The following ADH7 variants were observed in gnomAD, a reference collection of about 807,000 sequenced individuals.
ADH7 encodes alcohol dehydrogenase 7 (class IV), mu or sigma polypeptide, also known as all-trans-retinol dehydrogenase [NAD(+)] ADH7.
A neutral mutation model predicts 34.4 loss-of-function variants in ADH7; 41 were observed. The observed-to-expected ratio is 1.19, with a 90% confidence interval of 0.93 to 1.55. The LOEUF is 1.55. ADH7 is among the 40% of genes most tolerant of loss of function. The probability of loss-of-function intolerance (pLI) is 0.00; values close to 1 mark genes in which losing one functional copy is unlikely to be tolerated. For missense variants in ADH7, 540 were observed against 461.2 expected (o/e 1.17, Z -1.56); for synonymous variants, 180 against 160.9 (o/e 1.12, Z -0.90).
intron 5 of ADH7, among the ~76,000 whole-genome samples, chr4:99,422,833 A>AT (rs953638292): frequency 5.2e-5 from 7 of 135,524 alleles, no homozygotes; most frequent in African/African-American, 1.7e-4. Flanking sequence ...AAATAGACCT[A>AT]TTTTATTTTT....
chr4:99,420,633 C>G lies in ADH7; in HGVS notation c.725G>C (p.Ser242Thr). The G allele has an allele frequency of 6.2e-7, 1 of 1,613,944 alleles. No homozygotes were observed. Among genetic ancestry groups the G allele is most frequent in the Non-Finnish European group, 8.5e-7 (1 of 1,179,938 alleles). Reference protein sequence around the residue: ...AMAVGATECISPKDSTKPISE... With the variant: ...AMAVGATECITPKDSTKPISE... Reference sequence around the variant, plus strand: ...GATGGGTTTGGTAGAGTCCTTGGGACTGATACACTCAGTGGCACCTACAGC... The same window carrying G: ...GATGGGTTTGGTAGAGTCCTTGGGAGTGATACACTCAGTGGCACCTACAGC... The change falls in exon 6 of 9, where the codon AGT becomes ACT. Residue 242 changes from serine (S) to threonine (T), a missense_variant. By Grantham distance (58) the Ser-to-Thr change is moderately conservative. Coordinates refer to ENST00000437033, the MANE Select transcript of ADH7 (RefSeq NM_000673.7).
chr4:99,425,547 C>G (rs1340350051), intron 5 of ADH7, among the ~76,000 whole-genome samples: 1 of 152,128 alleles, frequency 6.6e-6, no homozygotes, highest in Non-Finnish European at 1.5e-5. Flanking sequence ...CAGGAGCACC[C>G]AGATTCATAA....
At chr4:99,433,054 C>A (rs1430691277) in intron 1 of ADH7, among the ~76,000 whole-genome samples, 1 of 152,112 alleles carries the variant, frequency 6.6e-6, no homozygotes, top group African/African-American at 2.4e-5. Context: ...GGCCATCTTA[C>A]CTATGTCAAC....
rs1319766190 is a variant in ADH7, at chr4:99,412,960, TC to T, written c.*187del. The T allele has an allele frequency of 4.2e-6, 2 of 475,038 alleles. No homozygotes were observed. The highest frequency in any genetic ancestry group is 4.0e-5 in the African/African-American group (2 of 49,664). The allele number at this position is 475,038 out of a possible 1,614,324, so 29.4% of individuals were successfully genotyped here. ...ATATTAACATTGTTATTATACTAAT[TC>T]CCAGGTGCTCACAAGACTTTAAATG... On this transcript the variant is annotated 3_prime_UTR_variant, in exon 9 of 9. Transcript: ENST00000437033.
chr4:99,424,454 A>G (rs377408360), intron 5 of ADH7, among the ~76,000 whole-genome samples: 1 of 152,184 alleles, frequency 6.6e-6, no homozygotes. Context: ...CATTGAATCT[A>G]TAAATTACCT....
At chr4:99,433,556 C>T (rs934849655) in intron 1 of ADH7, among the ~76,000 whole-genome samples, 15 of 152,220 alleles carry the variant, frequency 9.9e-5, no homozygotes, top group African/African-American at 2.9e-4. Context: ...CCTAACCCCC[C>T]GTACCTCAGA....
intron 1 of ADH7, among the ~76,000 whole-genome samples, chr4:99,434,339 T>C (rs955798873): frequency 1.3e-5 from 2 of 152,204 alleles, no homozygotes; most frequent in Admixed American, 1.3e-4. Context: ...CAAATTAGGA[T>C]GGTTTTATTC....
chr4:99,435,322 G>C lies in ADH7; in HGVS notation c.-89C>G. 1.3e-6 allele frequency: 2 copies of C among 1,562,868 alleles called. No homozygotes were observed. The highest frequency in any genetic ancestry group is 2.3e-5 in the East Asian group (1 of 43,996). On this transcript the variant is annotated 5_prime_UTR_variant, in exon 1 of 9. Coordinates refer to ENST00000437033, the MANE Select transcript of ADH7 (RefSeq NM_000673.7). ...ACTCTGTTGTATATAACAGCAGCTT[G>C]TGCCTTCACATAGATAGTCTGGCTT...
intron 7 of ADH7, chr4:99,415,865 C>A: frequency 3.9e-6 from 1 of 255,804 alleles, no homozygotes. Flanking sequence ...AGCAAACTAA[C>A]ACAGGAACAA....
chr4:99,435,190 G>C lies in ADH7; in HGVS notation c.18+26C>G, dbSNP rs778260635. 3 of 1,610,846 alleles carry C rather than the reference G, an allele frequency of 1.9e-6. No individual in the cohort carries two copies. In the South Asian group the frequency reaches 3.3e-5, roughly 18 times the overall value. On this transcript the variant is annotated intron_variant, in intron 1 of 8. Transcript: ENST00000437033. ...GCCTCACATCATTAGGTCATGATGA[G>C]GAGGGGACAGAAATGTTCCACTTAC...
intron 3 of ADH7, 65 bp downstream of exon 3, chr4:99,428,427 A>G: frequency 6.5e-7 from 1 of 1,547,758 alleles, no homozygotes; most frequent in Non-Finnish European, 8.8e-7. Flanking sequence ...AGTGTGTGCT[A>G]TTTCCTTTGA....
Position 99,429,588 on chromosome 4 carries a change from AG to A in ADH7, c.63del (p.Phe22SerfsTer6). On this transcript the variant is annotated frameshift_variant, in exon 2 of 9. Transcript: ENST00000437033. LOFTEE classifies it high-confidence loss of function. ...GCAACTTCTATTTCCTCAATGGAGA[AG>A]GGTTGCTTCTGCTCCCAAAGCACAG... The part of the protein sequence containing the change: ...KAAVLWEQKQ[P>X]FSIEEIEVAP... 1 of 1,612,448 alleles carries A rather than the reference AG, an allele frequency of 6.2e-7. No homozygotes were observed. Among genetic ancestry groups the A allele is most frequent in the Non-Finnish European group, 8.5e-7 (1 of 1,179,210 alleles).
chr4:99,423,650 A>G (rs1490340106), intron 5 of ADH7, among the ~76,000 whole-genome samples: 2 of 152,090 alleles, frequency 1.3e-5, no homozygotes, highest in African/African-American at 2.4e-5. Flanking sequence ...ATTTTTCCAC[A>G]TGTTTTTTGG....
rs1721442513 is a variant in ADH7 at position 99,413,061 on chromosome 4, G to A, written c.*87C>T. Reference sequence around the variant, plus strand: ...CTTCTACTTATGCTTGTATTTGTGAGACAGATACATGATTTCAGATGAGGG... The same window carrying A: ...CTTCTACTTATGCTTGTATTTGTGAAACAGATACATGATTTCAGATGAGGG... On this transcript the variant is annotated 3_prime_UTR_variant, in exon 9 of 9. Coordinates refer to ENST00000437033, the MANE Select transcript of ADH7 (RefSeq NM_000673.7). 7.5e-7 allele frequency: 1 copy of A among 1,335,500 alleles called. No individual in the cohort carries two copies. The highest frequency in any genetic ancestry group is 1.2e-5 in the South Asian group (1 of 82,558). 82.7% of individuals were successfully genotyped at this position (1,335,500 alleles called of 1,614,324 possible).
intron 6 of ADH7, among the ~76,000 whole-genome samples, chr4:99,420,193 T>C (rs144563947): frequency 1.3e-5 from 2 of 152,332 alleles, no homozygotes; most frequent in African/African-American, 2.4e-5. Flanking sequence ...GATGCTTACT[T>C]TGCTGACATT....
At chr4:99,424,366 T>A (rs1262871207) in intron 5 of ADH7, among the ~76,000 whole-genome samples, 1 of 152,244 alleles carries the variant, frequency 6.6e-6, no homozygotes, top group Non-Finnish European at 1.5e-5. Flanking sequence ...ATGCATGCTC[T>A]TTTTTGGTTC....
rs758050930 is a variant in ADH7, at chr4:99,415,631, A to G, written c.962-15T>C. 6.2e-7 allele frequency: 1 copy of G among 1,610,208 alleles called. No individual in the cohort carries two copies. Among genetic ancestry groups the G allele is most frequent in the South Asian group, 1.1e-5 (1 of 90,218 alleles). On this transcript the variant is annotated splice_polypyrimidine_tract_variant and intron_variant, in intron 7 of 8. Transcript: ENST00000437033. ...GCTTTTCAAACCTGCAAATAAGCACACATTTTCTCTTTAGACATTACTAAA... is the reference window on the plus strand; with the variant it reads ...GCTTTTCAAACCTGCAAATAAGCACGCATTTTCTCTTTAGACATTACTAAA...
At chr4:99,418,915 A>G (rs1721582972) in intron 7 of ADH7, 71 bp downstream of exon 7, 1 of 1,556,478 alleles carries the variant, frequency 6.4e-7, no homozygotes, top group African/African-American at 1.4e-5. Flanking sequence ...CTGAGGAAAC[A>G]GGCTTCTCCC....
At chr4:99,431,104 T>C (rs1002202235) in intron 1 of ADH7, among the ~76,000 whole-genome samples, 1 of 152,202 alleles carries the variant, frequency 6.6e-6, no homozygotes, top group Non-Finnish European at 1.5e-5. Flanking sequence ...GGCCCAAGAT[T>C]TATTTTTAAA....
Sources: gnomAD v4.1 joint callset for allele counts (sites outside exome capture counted in the v4.1 genomes callset) on GRCh38, gnomAD v4.1.1 for gene constraint, MANE v1.5 for transcripts, NCBI Gene and HGNC (gene_info 2026-07-23, HGNC 2026-07-21) for gene names.